LANCL3: variants seen among roughly 807,000 people sequenced by gnomAD.
The protein encoded by LANCL3 is lanC-like protein 3.
LANCL3 carries 19 observed loss-of-function variants against 26.5 expected under a neutral mutation model. That is an observed-to-expected ratio of 0.72 (90% CI 0.50 to 1.05). The LOEUF (loss-of-function observed/expected upper bound fraction) is 1.05, where lower values mean the gene tolerates loss of function less well. Among genes scored for constraint, LANCL3 ranks in the 50% least tolerant of loss-of-function variants. The pLI, the probability that LANCL3 is intolerant of heterozygous loss-of-function variation, is 0.00. For synonymous variants in LANCL3, 160 were observed against 166.6 expected, an observed-to-expected ratio of 0.96 and a Z score of 0.30; for missense variants, 318 against 362.7, an observed-to-expected ratio of 0.88 and a Z score of 1.00.
At position 37,675,930 on chromosome X, in the gene LANCL3, G is replaced by A. The variant is rs1926792843; in HGVS notation, c.*117G>A. ...ATGAGCCTTAACATTGCCATCAGAA[G>A]GAAGGAATCAGGCAGGTGAAGGCAA... On this transcript the variant is annotated 3_prime_UTR_variant, in exon 5 of 5. Coordinates refer to ENST00000378619, the MANE Select transcript of LANCL3 (RefSeq NM_001170331.2). 1 of 544,243 alleles carries A rather than the reference G, an allele frequency of 1.8e-6. No homozygotes were observed. Among genetic ancestry groups the A allele is most frequent in the Non-Finnish European group, 2.6e-6 (1 of 379,059 alleles). 44.9% of individuals were successfully genotyped at this position (544,243 alleles called of 1,213,427 possible). A position where few individuals can be genotyped will look rare whatever the true frequency, so the allele number is the denominator to read the frequency against.
At position 37,655,638 on chromosome X, in the gene LANCL3, G is replaced by C. The variant is rs781919904; in HGVS notation, c.574-50G>C. On this transcript the variant is annotated intron_variant, in intron 1 of 4. Transcript: ENST00000378619. ...TTAAGCAAGAAAATTCAGTGTCTAA[G>C]GAAAAAGGAGATCCTGCTTTGACTT... 7.2e-6 allele frequency: 8 copies of C among 1,114,289 alleles called. No individual in the cohort carries two copies. In the Admixed American group the frequency reaches 2.3e-4, roughly 32 times the overall value. 91.8% of individuals were successfully genotyped at this position (1,114,289 alleles called of 1,213,427 possible). A position where few individuals can be genotyped will look rare whatever the true frequency, so the allele number is the denominator to read the frequency against.
chrX:37,636,214 T>C (rs12014102), intron 1 of LANCL3, among the ~76,000 whole-genome samples: 3 of 112,009 alleles, frequency 2.7e-5, no homozygotes, highest in South Asian at 3.7e-4. Flanking sequence ...CAGTCTACCA[T>C]TGATGGGCAT....
chrX:37,590,716 G>T (rs1208765637), intron 1 of LANCL3, among the ~76,000 whole-genome samples: 1 of 111,879 alleles, frequency 8.9e-6, no homozygotes, highest in Admixed American at 9.5e-5. Context: ...ACACCAACTG[G>T]GTTCTAAGTC....
chrX:37,634,233 G>A (rs1478517936), intron 1 of LANCL3, among the ~76,000 whole-genome samples: 6 of 112,727 alleles, frequency 5.3e-5, no homozygotes, highest in African/African-American at 1.3e-4. Context: ...AGGACCCTTC[G>A]AGACAGGTGC....
At chrX:37,652,027 A>ATT (rs34591782) in intron 1 of LANCL3, among the ~76,000 whole-genome samples, 5 of 81,188 alleles carry the variant, frequency 6.2e-5, no homozygotes, top group African/African-American at 1.9e-4. Context: ...TGACAGCTTC[A>ATT]TTTTTTTTTT....
intron 4 of LANCL3, among the ~76,000 whole-genome samples, chrX:37,669,468 G>T (rs1156485793): frequency 9.0e-6 from 1 of 111,663 alleles, no homozygotes; most frequent in Non-Finnish European, 1.9e-5. Context: ...GAATGGTTTG[G>T]CACCATCCCC....
At chrX:37,664,346 T>G (rs1209046351) in intron 3 of LANCL3, among the ~76,000 whole-genome samples, 1 of 111,612 alleles carries the variant, frequency 9.0e-6, no homozygotes, top group African/African-American at 3.3e-5. Flanking sequence ...CCAGTTAAGC[T>G]GAAAAACACC....
Position 37,667,358 on chromosome X carries a change from G to A in LANCL3, c.972G>A (p.Gly324=). 8.4e-7 allele frequency: 1 copy of A among 1,197,491 alleles called. No individual in the cohort carries two copies. The highest frequency in any genetic ancestry group is 1.1e-6 in the Non-Finnish European group (1 of 889,690). ...ACCTGGACACATGTATTCGGTGTGG[G>A]GAACTCACATGGCAGAAAGGCCTGC... ...PQYLDTCIRC[G]ELTWQKGLLK... Residue 324 remains glycine, a synonymous_variant, in exon 4 of 5, where the codon GGG becomes GGA. Transcript: ENST00000378619.
intron 1 of LANCL3, among the ~76,000 whole-genome samples, chrX:37,616,176 A>G (rs1287267119): frequency 9.0e-6 from 1 of 111,704 alleles, no homozygotes; most frequent in Non-Finnish European, 1.9e-5. Context: ...TTAATGTTCC[A>G]GGAAGAACTC....
intron 3 of LANCL3, 55 bp downstream of exon 3, chrX:37,659,714 G>C: frequency 9.4e-7 from 1 of 1,064,149 alleles, no homozygotes; most frequent in South Asian, 1.9e-5. Flanking sequence ...TTAGCCACAG[G>C]GTGGTTCCTT....
intron 1 of LANCL3, among the ~76,000 whole-genome samples, chrX:37,649,480 T>A (rs1926079031): frequency 9.2e-6 from 1 of 108,997 alleles, no homozygotes; most frequent in Admixed American, 9.8e-5. Flanking sequence ...GGGAGGGAAC[T>A]TAGAGGACAG....
At chrX:37,604,265 G>A (rs1242540872) in intron 1 of LANCL3, among the ~76,000 whole-genome samples, 2 of 112,347 alleles carry the variant, frequency 1.8e-5, no homozygotes, top group Non-Finnish European at 3.8e-5. Context: ...GAAGTCATTG[G>A]CCTCCCTCCA....
intron 1 of LANCL3, among the ~76,000 whole-genome samples, chrX:37,653,546 G>A (rs1271301128): frequency 8.9e-6 from 1 of 112,261 alleles, no homozygotes; most frequent in Non-Finnish European, 1.9e-5. Flanking sequence ...TTAAGTGCAT[G>A]CCCTTCAGGG....
intron 4 of LANCL3, among the ~76,000 whole-genome samples, chrX:37,670,892 G>GT (rs1405699036): frequency 9.0e-6 from 1 of 111,038 alleles, no homozygotes; most frequent in African/African-American, 3.3e-5. Flanking sequence ...GATCTTGTAT[G>GT]TTTTTTGTTA....
chrX:37,608,652 G>A (rs1924778877), intron 1 of LANCL3, among the ~76,000 whole-genome samples: 1 of 111,685 alleles, frequency 9.0e-6, no homozygotes, highest in Admixed American at 9.5e-5. Context: ...TGGCACAAAT[G>A]CCTCAGGAAT....
chrX:37,679,188 T>C lies in LANCL3; in HGVS notation c.*3375T>C, dbSNP rs993228523. 8 of 111,910 alleles carry C rather than the reference T, an allele frequency of 7.1e-5. No homozygotes were observed. The highest frequency in any genetic ancestry group is 2.3e-4 in the African/African-American group (7 of 30,800). 9.2% of individuals were successfully genotyped at this position (111,910 alleles called of 1,213,427 possible). ...AGTTTTTTAATGTGCAGATCCTTTA[T>C]ATATTTAAAAGGGATGTTATATTTT... On this transcript the variant is annotated 3_prime_UTR_variant, in exon 5 of 5. Coordinates refer to ENST00000378619, the MANE Select transcript of LANCL3 (RefSeq NM_001170331.2).
intron 1 of LANCL3, among the ~76,000 whole-genome samples, chrX:37,606,660 G>A (rs1924723783): frequency 9.0e-6 from 1 of 111,286 alleles, no homozygotes; most frequent in Non-Finnish European, 1.9e-5. Context: ...ACACAAAGGA[G>A]GAACAAACTC....
chrX:37,577,046 G>A (rs1923769827), intron 1 of LANCL3, among the ~76,000 whole-genome samples: 1 of 112,336 alleles, frequency 8.9e-6, no homozygotes, highest in Admixed American at 9.4e-5. Flanking sequence ...AAAGTTAGGA[G>A]TCTGCATTTG....
At chrX:37,636,660 G>T (rs1227462565) in intron 1 of LANCL3, among the ~76,000 whole-genome samples, 1 of 111,540 alleles carries the variant, frequency 9.0e-6, no homozygotes, top group African/African-American at 3.3e-5. Context: ...TGCTAATCTA[G>T]ACAATTCTTA....
Sources: allele counts gnomAD v4.1 joint callset (sites outside exome capture counted in the v4.1 genomes callset), GRCh38; gene constraint gnomAD v4.1.1; transcripts MANE v1.5; gene names NCBI Gene and HGNC (gene_info 2026-07-23, HGNC 2026-07-21).